ROBO2: variants seen among roughly 807,000 people sequenced by gnomAD.
The protein encoded by ROBO2 is roundabout guidance receptor 2.
In ROBO2, 53 loss-of-function variants were observed where a neutral mutation model predicts 160.8. That is an observed-to-expected ratio of 0.33 (90% confidence interval 0.26 to 0.41). The LOEUF is 0.41. ROBO2 is among the 10% of genes least tolerant of loss of function. The probability of loss-of-function intolerance (pLI) is 1.00; values close to 1 mark genes in which losing one functional copy is unlikely to be tolerated. For missense variants in ROBO2, 1,577 were observed against 1,722.4 expected, an observed-to-expected ratio of 0.92 and a Z score of 1.49; for synonymous variants, 664 against 611.7, an observed-to-expected ratio of 1.09 and a Z score of -1.26.
At chr3:76,222,921 A>T (rs1334089193) in intron 2 of ROBO2, among the ~76,000 whole-genome samples, 2 of 151,922 alleles carry the variant, frequency 1.3e-5, no homozygotes. Flanking sequence ...TGCCCAGCTA[A>T]CTTTTGTATT....
chr3:76,058,897 G>C (rs200122975), intron 2 of ROBO2, among the ~76,000 whole-genome samples: 2,992 of 148,422 alleles, frequency 0.02, 40 homozygotes, highest in East Asian at 0.08. Flanking sequence ...AGAACATGTG[G>C]TGTTTGGTTT....
At chr3:77,601,545 C>T (rs1433250990) in intron 19 of ROBO2, among the ~76,000 whole-genome samples, 2 of 152,068 alleles carry the variant, frequency 1.3e-5, no homozygotes, top group Non-Finnish European at 2.9e-5. Context: ...CTGTAATTCT[C>T]TAGTTCGGAG....
At chr3:77,496,115 A>T (rs935525) in intron 5 of ROBO2, among the ~76,000 whole-genome samples, 54,219 of 152,040 alleles carry the variant, frequency 0.36, 9,915 homozygotes, top group Admixed American at 0.45. Flanking sequence ...ATTTTCACTA[A>T]CTTCCTTTAA....
intron 2 of ROBO2, among the ~76,000 whole-genome samples, chr3:76,507,657 C>T (rs2080863479): frequency 6.6e-6 from 1 of 151,982 alleles, no homozygotes; most frequent in African/African-American, 2.4e-5. Context: ...CTGATATAAT[C>T]CTCACAACAA....
chr3:77,520,824 C>T (rs2090516329), intron 5 of ROBO2, among the ~76,000 whole-genome samples: 1 of 151,342 alleles, frequency 6.6e-6, no homozygotes, highest in Non-Finnish European at 1.5e-5. Context: ...ACATCAAATA[C>T]ATCACCAGTA....
chr3:76,525,920 AACAG>A (rs1026450159), intron 2 of ROBO2, among the ~76,000 whole-genome samples: 1 of 152,032 alleles, frequency 6.6e-6, no homozygotes, highest in Non-Finnish European at 1.5e-5. Flanking sequence ...AGAAAGCAGA[AACAG>A]ACAGTGCCAT....
chr3:76,399,815 A>G (rs1162534490), intron 2 of ROBO2, among the ~76,000 whole-genome samples: 1 of 151,760 alleles, frequency 6.6e-6, no homozygotes, highest in African/African-American at 2.4e-5. Context: ...TCAAGAGCGC[A>G]CATTGGCGAA....
intron 2 of ROBO2, among the ~76,000 whole-genome samples, chr3:76,179,639 C>G (rs72630365): frequency 0.075 from 11,423 of 152,176 alleles, 594 homozygotes; most frequent in East Asian, 0.22. Context: ...TTCCCTTCTT[C>G]CAATTCATCT....
chr3:77,232,380 T>C (rs908697599), intron 2 of ROBO2, among the ~76,000 whole-genome samples: 13 of 152,090 alleles, frequency 8.5e-5, no homozygotes, highest in Non-Finnish European at 1.8e-4. Context: ...TATAAAGTCC[T>C]GAGTAGAGAA....
At chr3:77,546,589 G>C (rs1298573837) in intron 7 of ROBO2, 127 bp downstream of exon 8, 5 of 1,208,232 alleles carry the variant, frequency 4.1e-6, no homozygotes, top group Non-Finnish European at 6.0e-6. Context: ...AAAAGAGACT[G>C]GTGAATGTAA....
intron 1 of ROBO2, among the ~76,000 whole-genome samples, chr3:77,096,853 C>T (rs751285551): frequency 6.6e-6 from 1 of 152,128 alleles, no homozygotes; most frequent in African/African-American, 2.4e-5. Flanking sequence ...GGTGATATAC[C>T]AAATTCTGTC....
intron 2 of ROBO2, among the ~76,000 whole-genome samples, chr3:76,764,196 G>A (rs999966816): frequency 5.9e-5 from 9 of 151,606 alleles, no homozygotes; most frequent in African/African-American, 2.2e-4. Context: ...ATTACTGTAT[G>A]TAAATGCAAA....
intron 2 of ROBO2, among the ~76,000 whole-genome samples, chr3:76,400,851 A>G (rs1228483179): frequency 1.3e-5 from 2 of 151,498 alleles, no homozygotes; most frequent in Non-Finnish European, 3.0e-5. Context: ...ACCTCCAAAT[A>G]TGAGTTATAC....
At chr3:77,482,881 T>G (rs1382357979) in intron 4 of ROBO2, among the ~76,000 whole-genome samples, 1 of 152,150 alleles carries the variant, frequency 6.6e-6, no homozygotes, top group African/African-American at 2.4e-5. Flanking sequence ...AAAGCTATAT[T>G]ACTGCAGTAT....
rs554362910 is a variant in ROBO2, at chr3:77,262,613, AC to A, written c.388+164274del. On this transcript the variant is annotated intron_variant, in intron 2 of 25. Transcript: ENST00000461745. ...ACCTGAAGTAGAGAGTGAGCTTACA[AC>A]TCTTGCGCATGAGTGCACACACACA... 1.1e-4 allele frequency among the ~76,000 whole-genome samples: 16 copies of A among 152,016 alleles called. No individual in the cohort carries two copies. The East Asian group carries it at 3.1e-3, about 29-fold the overall frequency.
chr3:76,163,412 G>C (rs916561296), intron 2 of ROBO2, among the ~76,000 whole-genome samples: 1 of 150,966 alleles, frequency 6.6e-6, no homozygotes, highest in Non-Finnish European at 1.5e-5. Context: ...TTATTATAAC[G>C]TGGTATTGAA....
intron 2 of ROBO2, among the ~76,000 whole-genome samples, chr3:76,153,230 A>G (rs2072276580): frequency 6.6e-6 from 1 of 152,160 alleles, no homozygotes; most frequent in Admixed American, 6.5e-5. Flanking sequence ...CAGTGTGTGG[A>G]GCAAGCTGCA....
chr3:76,431,155 T>C (rs1020628503), intron 2 of ROBO2, among the ~76,000 whole-genome samples: 2 of 152,076 alleles, frequency 1.3e-5, no homozygotes, highest in African/African-American at 4.8e-5. Context: ...AGATAAACCA[T>C]TGCTTCAAGA....
At chr3:76,458,482 A>G (rs572174435) in intron 2 of ROBO2, among the ~76,000 whole-genome samples, 1 of 152,276 alleles carries the variant, frequency 6.6e-6, no homozygotes, top group Admixed American at 6.5e-5. Flanking sequence ...AGGAAATTCG[A>G]AACTTTCCCA....
Sources: gnomAD v4.1 joint callset for allele counts (sites outside exome capture counted in the v4.1 genomes callset) on GRCh38, gnomAD v4.1.1 for gene constraint, MANE v1.5 for transcripts, NCBI Gene and HGNC (gene_info 2026-07-23, HGNC 2026-07-21) for gene names.